The following NIN variants were observed in gnomAD, a reference collection of about 807,000 sequenced individuals.
NIN encodes glycogen synthase kinase 3 beta-interacting protein.
In NIN, 137 loss-of-function variants were observed where a neutral mutation model predicts 257.6. The observed-to-expected ratio is 0.53, with a 90% CI of 0.46 to 0.61. NIN has a LOEUF of 0.61. Among genes scored for constraint, NIN ranks in the 20% least tolerant of loss-of-function variants. NIN has a pLI of 0.00. For synonymous variants in NIN, 918 were observed against 919.8 expected, an observed-to-expected ratio of 1.00 and a Z score of 0.04; for missense variants, 2,439 against 2,501.2, an observed-to-expected ratio of 0.98 and a Z score of 0.53.
At chr14:50,747,941 C>T in intron 22 of NIN, 51 bp downstream of exon 22, 1 of 1,210,536 alleles carries the variant, frequency 8.3e-7, no homozygotes, top group Non-Finnish European at 1.2e-6. Context: ...AACAGGAGCC[C>T]ACCAGGTACA....
chr14:50,743,456 C>A lies in NIN; in HGVS notation c.5261G>T (p.Ser1754Ile). Residue 1754 changes from serine to isoleucine, a missense_variant, in exon 24 of 31, where the codon AGT (serine) becomes ATT (isoleucine). This residue lies in a region of NIN where 2,043 missense variants were observed against 2,050.2 expected (regional missense o/e 1.00). Coordinates refer to ENST00000530997, the MANE Select transcript of NIN (RefSeq NM_020921.4). ...KQEQKSWEHQ[S>I]ASLKSQLVAS... ...CACCAGCTGTGACTTTAAGCTCGCA[C>A]TCTGATGTTCCCAGGATTTCTGTTC... 6.2e-7 allele frequency: 1 copy of A among 1,613,856 alleles called. No individual in the cohort carries two copies. Among genetic ancestry groups the A allele is most frequent in the Non-Finnish European group, 8.5e-7 (1 of 1,179,726 alleles).
At chr14:50,811,308 C>A (rs1310772827) in intron 3 of NIN, among the ~76,000 whole-genome samples, 2 of 151,658 alleles carry the variant, frequency 1.3e-5, no homozygotes, top group East Asian at 2.0e-4. Flanking sequence ...GGGGTTTCAC[C>A]ATGTTGCCCA....
chr14:50,797,072 T>C (rs1014892773), intron 4 of NIN, among the ~76,000 whole-genome samples: 15 of 152,204 alleles, frequency 9.9e-5, no homozygotes, highest in Non-Finnish European at 1.9e-4. Flanking sequence ...GTGGCAGCCA[T>C]AGCTGCTTCC....
At chr14:50,749,821 C>G (rs1404329858) in intron 21 of NIN, among the ~76,000 whole-genome samples, 4 of 152,082 alleles carry the variant, frequency 2.6e-5, no homozygotes, top group Admixed American at 6.5e-5. Flanking sequence ...TCCTGAATAG[C>G]TGGGACTATA....
At chr14:50,732,460 G>A (rs906018331) in intron 28 of NIN, among the ~76,000 whole-genome samples, 6 of 152,164 alleles carry the variant, frequency 3.9e-5, no homozygotes, top group African/African-American at 7.2e-5. Context: ...GCGCTGGAGA[G>A]GGGGAATGGT....
chr14:50,729,566 T>G lies in NIN; in HGVS notation c.6035A>C (p.Gln2012Pro). Residue 2012 changes from glutamine (Q) to proline (P), a missense_variant, in exon 29 of 31, where the codon CAG becomes CCG. Physicochemically the swap from Gln to Pro is moderately conservative, Grantham distance 76. Around this residue, in one of 3 missense-constraint regions of NIN, gnomAD observed 2,043 missense variants for 2,050.2 expected, o/e 1.00. Coordinates refer to ENST00000530997, the MANE Select transcript of NIN (RefSeq NM_020921.4). ...GGAGGTCCTGTTTTCAAGTTCCTCC[T>G]GCAGGTGCTGGTTTATCCTTTCTGC... ...LQAERINQHL[Q>P]EELENRTSET... 6.2e-7 allele frequency: 1 copy of G among 1,614,136 alleles called. No homozygotes were observed. The highest frequency in any genetic ancestry group is 8.5e-7 in the Non-Finnish European group (1 of 1,180,004).
At chr14:50,828,699 T>C (rs987696804) in intron 2 of NIN, among the ~76,000 whole-genome samples, 1 of 152,218 alleles carries the variant, frequency 6.6e-6, no homozygotes, top group Non-Finnish European at 1.5e-5. Context: ...AGCATCAAGA[T>C]AGTTGAAATG....
At chr14:50,763,254 C>T (rs2042342723) in intron 15 of NIN, among the ~76,000 whole-genome samples, 1 of 152,020 alleles carries the variant, frequency 6.6e-6, no homozygotes, top group African/African-American at 2.4e-5. Context: ...AGGAAAGGAG[C>T]TCATAGTTAA....
At chr14:50,817,875 C>T (rs903166918) in intron 3 of NIN, among the ~76,000 whole-genome samples, 10 of 152,166 alleles carry the variant, frequency 6.6e-5, no homozygotes, top group Admixed American at 1.3e-4. Flanking sequence ...ACTGCCACGC[C>T]GGCTAATTTT....
rs2040239050 is a variant in NIN at position 50,719,855 on chromosome 14, A to G, written c.*3608T>C. Reference sequence around the variant, plus strand: ...TTATTTATTTACATCTTAAGCTCACATTAAAATCTTTCTAGGATAGAATGG... The same window carrying G: ...TTATTTATTTACATCTTAAGCTCACGTTAAAATCTTTCTAGGATAGAATGG... On this transcript the variant is annotated 3_prime_UTR_variant, in exon 31 of 31. Coordinates refer to ENST00000530997, the MANE Select transcript of NIN (RefSeq NM_020921.4). 4.9e-6 allele frequency: 1 copy of G among 202,798 alleles called. No homozygotes were observed. The highest frequency in any genetic ancestry group is 1.0e-5 in the Non-Finnish European group (1 of 98,424). The allele number at this position is 202,798 out of a possible 1,614,324, so 12.6% of individuals were successfully genotyped here. A position where few individuals can be genotyped will look rare whatever the true frequency, so the allele number is the denominator to read the frequency against.
At chr14:50,762,315 C>T (rs1408777120) in intron 15 of NIN, among the ~76,000 whole-genome samples, 1 of 152,064 alleles carries the variant, frequency 6.6e-6, no homozygotes. Flanking sequence ...TACTGAATGA[C>T]GATGTGGCAG....
intron 3 of NIN, among the ~76,000 whole-genome samples, chr14:50,808,352 A>T (rs1219590134): frequency 6.6e-6 from 1 of 152,176 alleles, no homozygotes; most frequent in Admixed American, 6.6e-5. Context: ...TCATGCACTC[A>T]AGAGCTCTGG....
At position 50,757,441 on chromosome 14, in the gene NIN, T is replaced by G; in HGVS notation, c.3589A>C (p.Lys1197Gln). 1.2e-6 allele frequency: 2 copies of G among 1,614,192 alleles called. No individual in the cohort carries two copies. Among genetic ancestry groups the G allele is most frequent in the South Asian group, 2.2e-5 (2 of 91,078 alleles). Residue 1197 changes from lysine to glutamine, a missense_variant, in exon 18 of 31, where the codon AAG becomes CAG. Coordinates refer to ENST00000530997, the MANE Select transcript of NIN (RefSeq NM_020921.4). Reference sequence around the variant, plus strand: ...TCCTGAAGCTGACTAATCTGATTCTTCAGCTCCCAGGATTCAGTCCTGGTC... The same window carrying G: ...TCCTGAAGCTGACTAATCTGATTCTGCAGCTCCCAGGATTCAGTCCTGGTC... The part of the protein sequence containing the change: ...EETRTESWEL[K>Q]NQISQLQEQL...
In NIN at chr14:50,738,121, T is replaced by C. The variant is rs780183573; in HGVS notation, c.5775+19A>G. The C allele has an allele frequency of 4.3e-6, 7 of 1,613,178 alleles. No homozygotes were observed. The highest frequency in any genetic ancestry group is 1.3e-5 in the African/African-American group (1 of 74,900). ...ATAGTGAGAACACAGATGTACGCCA[T>C]ATATTCTCAAAAACTCACCTTCCTG... On this transcript the variant is annotated intron_variant, in intron 27 of 30. Coordinates refer to ENST00000530997, the MANE Select transcript of NIN (RefSeq NM_020921.4).
intron 25 of NIN, among the ~76,000 whole-genome samples, chr14:50,739,896 A>C (rs1017290132): frequency 6.6e-6 from 1 of 152,236 alleles, no homozygotes; most frequent in African/African-American, 2.4e-5. Context: ...AGAAGGCTGA[A>C]ATGCACTGCC....
chr14:50,773,988 G>C (rs963459390), intron 7 of NIN, among the ~76,000 whole-genome samples: 1 of 152,168 alleles, frequency 6.6e-6, no homozygotes, highest in Non-Finnish European at 1.5e-5. Context: ...TTTATTCTGG[G>C]GTTAAAATGT....
intron 4 of NIN, among the ~76,000 whole-genome samples, chr14:50,804,158 A>C (rs1307583494): frequency 6.6e-6 from 1 of 152,170 alleles, no homozygotes; most frequent in Non-Finnish European, 1.5e-5. Context: ...TGGCCTCCCA[A>C]AGTGCTGGGA....
intron 3 of NIN, among the ~76,000 whole-genome samples, chr14:50,812,663 C>T (rs1031621502): frequency 1.3e-5 from 2 of 152,292 alleles, no homozygotes; most frequent in Middle Eastern, 6.8e-3. Context: ...GCATGTCCTA[C>T]TTGGCCAATA....
intron 21 of NIN, among the ~76,000 whole-genome samples, chr14:50,748,763 G>A (rs1241654507): frequency 6.6e-6 from 1 of 152,080 alleles, no homozygotes; most frequent in Non-Finnish European, 1.5e-5. Flanking sequence ...GGGACATGAA[G>A]GACCTCTTCA....
Sources: allele counts gnomAD v4.1 joint callset (sites outside exome capture counted in the v4.1 genomes callset), GRCh38; gene constraint gnomAD v4.1.1; regional missense constraint gnomAD v4.1.1; transcripts MANE v1.5; gene names NCBI Gene and HGNC (gene_info 2026-07-23, HGNC 2026-07-21).